Variants in WASHC2A observed in about 807,000 individuals in gnomAD.
The protein encoded by WASHC2A is WASH complex subunit FAM21A.
Under a neutral mutation model 140.3 loss-of-function variants are expected in WASHC2A, and 82 were observed. The ratio of observed to expected loss-of-function variants is 0.58; its 90% CI spans 0.49 to 0.70. WASHC2A has a LOEUF of 0.70. WASHC2A is among the 30% of genes least tolerant of loss of function. The pLI is 0.00. For missense variants in WASHC2A, 985 were observed against 1,521.8 expected, an observed-to-expected ratio of 0.65 and a Z score of 5.87; for synonymous variants, 340 against 560.8, an observed-to-expected ratio of 0.61 and a Z score of 5.56.
At chr10:50,071,595 G>T (rs1338905156) in intron 3 of WASHC2A, among the ~76,000 whole-genome samples, 1 of 151,424 alleles carries the variant, frequency 6.6e-6, no homozygotes, top group Non-Finnish European at 1.5e-5. Context: ...CTGAGCCACG[G>T]CGCCCGGCAA....
At chr10:50,113,319 C>T (rs1293407183) in intron 20 of WASHC2A, among the ~76,000 whole-genome samples, 1 of 151,978 alleles carries the variant, frequency 6.6e-6, no homozygotes, top group African/African-American at 2.4e-5. Context: ...TGTGCCATTG[C>T]TCTCCAGCCT....
chr10:50,121,485 C>A (rs1843015409), intron 23 of WASHC2A, among the ~76,000 whole-genome samples: 1 of 149,742 alleles, frequency 6.7e-6, no homozygotes. Flanking sequence ...CCTTTGCCTC[C>A]TGGGTTCAAG....
chr10:50,094,833 G>A (rs1334724121), intron 13 of WASHC2A, among the ~76,000 whole-genome samples: 2,579 of 150,420 alleles, frequency 0.017, 38 homozygotes, highest in Middle Eastern at 0.048. Flanking sequence ...GGGGAGCCCT[G>A]GTCATGCTGT....
chr10:50,074,997 T>G (rs1409220182), intron 3 of WASHC2A, among the ~76,000 whole-genome samples: 1 of 152,072 alleles, frequency 6.6e-6, no homozygotes, highest in Non-Finnish European at 1.5e-5. Flanking sequence ...CATTGAACTT[T>G]TCAGTGTATT....
At chr10:50,110,555 T>C (rs1335165319) in intron 20 of WASHC2A, among the ~76,000 whole-genome samples, 1 of 151,912 alleles carries the variant, frequency 6.6e-6, no homozygotes, top group Non-Finnish European at 1.5e-5. Flanking sequence ...GTGATTTTTC[T>C]CTGGGCTACT....
At chr10:50,088,101 G>A (rs1353111691) in intron 8 of WASHC2A, among the ~76,000 whole-genome samples, 1 of 151,776 alleles carries the variant, frequency 6.6e-6, no homozygotes, top group Non-Finnish European at 1.5e-5. Context: ...TTACAGGCGT[G>A]AGCCACCATG....
At chr10:50,097,464 G>A (rs2805180) in intron 15 of WASHC2A, among the ~76,000 whole-genome samples, 19,869 of 118,400 alleles carry the variant, frequency 0.17, 2,605 homozygotes, top group Middle Eastern at 0.26. Context: ...TGGATAAACT[G>A]TCTGTTCTGT....
intron 14 of WASHC2A, 29 bp downstream of exon 14, chr10:50,095,236 A>G: frequency 6.7e-7 from 1 of 1,499,772 alleles, no homozygotes; most frequent in South Asian, 1.2e-5. Flanking sequence ...GTTTTCTAAA[A>G]ACTACACAAA....
rs1358078200 is a variant in WASHC2A, at chr10:50,132,572, A to G, written c.3887-234A>G. ...TTTTCTGTCCTACACACGCACATAC[A>G]TACACTTTTGTAGCTGAAGAAATTG... On this transcript the variant is annotated intron_variant, in intron 30 of 30. Coordinates refer to ENST00000282633, the MANE Select transcript of WASHC2A (RefSeq NM_001005751.3). Among the ~76,000 whole-genome samples the G allele has an allele frequency of 3.0e-3, 451 of 152,330 alleles. 5 individuals are homozygous for G. The highest frequency in any genetic ancestry group is 0.01 in the African/African-American group (418 of 41,562).
chr10:50,120,395 G>C (rs1321169349), intron 23 of WASHC2A, among the ~76,000 whole-genome samples: 1 of 146,120 alleles, frequency 6.8e-6, no homozygotes, highest in African/African-American at 2.7e-5. Flanking sequence ...GCCAAGGTGG[G>C]TGGATCACAA....
At chr10:50,132,265 T>G (rs1381759440) in intron 30 of WASHC2A, among the ~76,000 whole-genome samples, 1 of 152,252 alleles carries the variant, frequency 6.6e-6, no homozygotes, top group Non-Finnish European at 1.5e-5. Context: ...GATAAAACCC[T>G]AGCAGTAACA....
chr10:50,101,943 G>T (rs1841232261), intron 17 of WASHC2A, among the ~76,000 whole-genome samples: 2 of 152,190 alleles, frequency 1.3e-5, no homozygotes, highest in Non-Finnish European at 2.9e-5. Context: ...CAGGGCTGTA[G>T]GGGAGAGTCC....
chr10:50,117,655 C>T (rs2132974659), intron 21 of WASHC2A, among the ~76,000 whole-genome samples: 1 of 143,322 alleles, frequency 7.0e-6, no homozygotes, highest in East Asian at 2.0e-4. Context: ...GGGAGGGAGG[C>T]ATGGGGGTTG....
rs1842168140 is a variant in WASHC2A at position 50,110,277 on chromosome 10, T to C, written c.2039+7T>C. Reference sequence around the variant, plus strand: ...TTGCCATTGCCAAGGACAGGTGAGATAGTCATTGGAAGGAGTCCCTCACTC... The same window carrying C: ...TTGCCATTGCCAAGGACAGGTGAGACAGTCATTGGAAGGAGTCCCTCACTC... On this transcript the variant is annotated splice_region_variant and intron_variant, in intron 20 of 30. Transcript: ENST00000282633. The C allele has an allele frequency of 1.9e-6, 3 of 1,611,454 alleles. No homozygotes were observed. Among genetic ancestry groups the C allele is most frequent in the South Asian group, 1.1e-5 (1 of 90,962 alleles).
At chr10:50,116,549 A>T (rs1589263635) in intron 21 of WASHC2A, among the ~76,000 whole-genome samples, 1 of 148,152 alleles carries the variant, frequency 6.7e-6, no homozygotes, top group Non-Finnish European at 1.5e-5. Flanking sequence ...TCCTGATCTC[A>T]TGATCCGCCC....
At position 50,109,804 on chromosome 10, in the gene WASHC2A, C is replaced by G. The variant is rs1466128754; in HGVS notation, c.1870-297C>G. ...TCTTTTTTTGAGACAGAGTCTCGCTCTGTCCCCCAGGCTGGAGTGCAGTGG... is the reference window on the plus strand; with the variant it reads ...TCTTTTTTTGAGACAGAGTCTCGCTGTGTCCCCCAGGCTGGAGTGCAGTGG... On this transcript the variant is annotated intron_variant, in intron 19 of 30. Transcript: ENST00000282633. Among the ~76,000 whole-genome samples the G allele has an allele frequency of 2.6e-5, 4 of 152,168 alleles. No homozygotes were observed. In the East Asian group the frequency reaches 7.7e-4, roughly 29 times the overall value.
chr10:50,095,717 T>G lies in WASHC2A; in HGVS notation c.1359T>G (p.Asp453Glu). The G allele has an allele frequency of 6.2e-7, 1 of 1,611,386 alleles. No individual in the cohort carries two copies. The highest frequency in any genetic ancestry group is 8.5e-7 in the Non-Finnish European group (1 of 1,179,674). ...YGPPPTGLFD[D>E]DDGDDDDDFF... is the part of the protein sequence containing the mutation. The stretch of plus-strand genomic sequence containing the variant: ...CCCCTCCCACTGGCCTCTTTGATGA[T>G]GATGATGGTGATGATGATGACGACT... The change falls in exon 15 of 31, where the codon GAT (aspartate) becomes GAG (glutamate). Residue 453 changes from aspartate to glutamate, a missense_variant. Physicochemically the swap from Asp to Glu is conservative, Grantham distance 45. Coordinates refer to ENST00000282633, the MANE Select transcript of WASHC2A (RefSeq NM_001005751.3).
At chr10:50,106,684 A>C (rs1841814639) in intron 19 of WASHC2A, among the ~76,000 whole-genome samples, 1 of 139,514 alleles carries the variant, frequency 7.2e-6, no homozygotes, top group South Asian at 2.4e-4. Flanking sequence ...TGACTCCCAC[A>C]CAATAGTGTA....
chr10:50,129,753 G>A lies in WASHC2A; in HGVS notation c.3422G>A (p.Gly1141Glu), dbSNP rs1843770132. The change falls in exon 29 of 31, where the codon GGA becomes GAA. Residue 1141 changes from glycine to glutamate, a missense_variant. Physicochemically the swap from Gly to Glu is moderately conservative, Grantham distance 98. Transcript: ENST00000282633. ...GGGGACATCTTTTCCACGGGCACTGGATCTCAGTCTGTGGAGAGAACAAAA... is the reference window on the plus strand; with the variant it reads ...GGGGACATCTTTTCCACGGGCACTGAATCTCAGTCTGTGGAGAGAACAAAA... ...DSGDIFSTGT[G>E]SQSVERTKPK... 5 of 1,612,050 alleles carry A rather than the reference G, an allele frequency of 3.1e-6. No homozygotes were observed. Among genetic ancestry groups the A allele is most frequent in the Non-Finnish European group, 4.2e-6 (5 of 1,179,860 alleles).
Sources: gnomAD v4.1 joint callset for allele counts (sites outside exome capture counted in the v4.1 genomes callset) on GRCh38, gnomAD v4.1.1 for gene constraint, MANE v1.5 for transcripts, NCBI Gene and HGNC (gene_info 2026-07-23, HGNC 2026-07-21) for gene names.